SUGCT: variants seen among roughly 807,000 people sequenced by gnomAD.
SUGCT encodes succinyl-CoA:glutarate-CoA transferase, also known as succinyl-CoA:glutarate CoA-transferase.
SUGCT carries 41 observed loss-of-function variants against 55.0 expected under a neutral mutation model. The ratio of observed to expected loss-of-function variants is 0.74; its 90% CI spans 0.58 to 0.97. The LOEUF (loss-of-function observed/expected upper bound fraction) is 0.97, where lower values mean the gene tolerates loss of function less well. SUGCT is among the 50% of genes least tolerant of loss of function. The pLI is 0.00. For missense variants in SUGCT, 568 were observed against 547.8 expected (o/e 1.04, Z -0.37); for synonymous variants, 187 against 200.4 (o/e 0.93, Z 0.56).
intron 1 of SUGCT, among the ~76,000 whole-genome samples, chr7:40,146,417 A>T (rs1027649906): frequency 9.2e-5 from 14 of 152,172 alleles, no homozygotes; most frequent in African/African-American, 3.4e-4. Flanking sequence ...AGAAATATAG[A>T]GTGTGGAGTG....
intron 9 of SUGCT, among the ~76,000 whole-genome samples, chr7:40,386,163 G>A (rs1013852528): frequency 3.3e-5 from 5 of 152,158 alleles, no homozygotes; most frequent in Admixed American, 3.3e-4. Flanking sequence ...GAAGAGGCTG[G>A]TGCTTCCCCA....
chr7:40,259,897 A>G (rs534311973), intron 7 of SUGCT, among the ~76,000 whole-genome samples: 1 of 152,204 alleles, frequency 6.6e-6, no homozygotes, highest in Non-Finnish European at 1.5e-5. Context: ...GCTACTGTTC[A>G]TAATTAAGAA....
chr7:40,495,227 C>CTTTT (rs79094909), intron 11 of SUGCT, among the ~76,000 whole-genome samples: 13 of 138,582 alleles, frequency 9.4e-5, no homozygotes, highest in African/African-American at 3.4e-4. Flanking sequence ...TATTTCTATG[C>CTTTT]TTTTTTTTTT....
the SUGCT span, among the ~76,000 whole-genome samples, chr7:40,988,621 AT>A: frequency 3.2e-3 from 494 of 152,302 alleles, 3 homozygotes; most frequent in African/African-American, 0.011. Flanking sequence ...GTTTAAAAAA[AT>A]ATGCTTTAAA....
intron 9 of SUGCT, among the ~76,000 whole-genome samples, chr7:40,418,538 G>T (rs1787131641): frequency 6.6e-6 from 1 of 152,260 alleles, no homozygotes; most frequent in Non-Finnish European, 1.5e-5. Context: ...GTTTGTACCA[G>T]CTCAAATTTT....
chr7:40,499,695 A>G lies in SUGCT; in HGVS notation c.1089+3309A>G, dbSNP rs184303279. Among the ~76,000 whole-genome samples the G allele has an allele frequency of 2.2e-3, 336 of 152,302 alleles. 2 individuals are homozygous for G. Among genetic ancestry groups the G allele is most frequent in the African/African-American group, 7.9e-3 (327 of 41,556 alleles). ...AGTTTTATTGTCTTTCTCAATGACA[A>G]ATTATCTGTGGAAAGCTCTGTGCAT... is the stretch of plus-strand genomic sequence containing the variant. On this transcript the variant is annotated intron_variant, in intron 12 of 13. Transcript: ENST00000335693.
At chr7:40,136,233 A>G (rs1033960897) in intron 1 of SUGCT, among the ~76,000 whole-genome samples, 1 of 152,110 alleles carries the variant, frequency 6.6e-6, no homozygotes, top group Non-Finnish European at 1.5e-5. Flanking sequence ...CCTGGGCTCA[A>G]GTGATCCGCC....
chr7:40,949,171 A>G, the SUGCT span, among the ~76,000 whole-genome samples: 2 of 152,120 alleles, frequency 1.3e-5, no homozygotes, highest in African/African-American at 4.8e-5. Flanking sequence ...ATGGTATCTC[A>G]TTGTGGTTTT....
intron 12 of SUGCT, among the ~76,000 whole-genome samples, chr7:40,510,540 T>A (rs1792867392): frequency 1.3e-5 from 2 of 152,100 alleles, no homozygotes; most frequent in Non-Finnish European, 2.9e-5. Context: ...AAATAATCTG[T>A]CCCATACTTT....
At chr7:40,919,701 C>T in the SUGCT span, among the ~76,000 whole-genome samples, 1 of 152,128 alleles carries the variant, frequency 6.6e-6, no homozygotes, top group Non-Finnish European at 1.5e-5. Context: ...TTCTAGTTTC[C>T]TCCTTCCCCA....
At chr7:40,882,829 A>AT in the SUGCT span, among the ~76,000 whole-genome samples, 17 of 152,150 alleles carry the variant, frequency 1.1e-4, no homozygotes, top group East Asian at 2.3e-3. Context: ...CTGGATTCAT[A>AT]TTTTTTTTAT....
intron 13 of SUGCT, among the ~76,000 whole-genome samples, chr7:40,799,034 C>T (rs948200631): frequency 1.3e-4 from 20 of 152,212 alleles, no homozygotes; most frequent in African/African-American, 4.3e-4. Flanking sequence ...CACTTTGCTC[C>T]GCTGGATGGT....
chr7:40,614,107 T>C (rs1562900891), intron 12 of SUGCT, among the ~76,000 whole-genome samples: 1 of 152,088 alleles, frequency 6.6e-6, no homozygotes, highest in Non-Finnish European at 1.5e-5. Flanking sequence ...AAGCCAAAAA[T>C]TATAAACAAC....
the SUGCT span, among the ~76,000 whole-genome samples, chr7:41,016,823 G>C: frequency 6.6e-6 from 1 of 152,098 alleles, no homozygotes; most frequent in East Asian, 1.9e-4. Context: ...TGCGTCTTGT[G>C]AATTCTGTTC....
intron 11 of SUGCT, among the ~76,000 whole-genome samples, chr7:40,492,943 C>A (rs972093677): frequency 6.6e-5 from 10 of 152,098 alleles, no homozygotes. Flanking sequence ...CAAACTCTTG[C>A]TAAAAGCATC....
chr7:40,475,872 A>G (rs1017119515), intron 11 of SUGCT, among the ~76,000 whole-genome samples: 1 of 151,996 alleles, frequency 6.6e-6, no homozygotes. Context: ...TGATCTATAA[A>G]TAAGTCTATC....
At chr7:40,447,788 G>C (rs1788929766) in intron 9 of SUGCT, among the ~76,000 whole-genome samples, 1 of 152,108 alleles carries the variant, frequency 6.6e-6, no homozygotes, top group Admixed American at 6.5e-5. Context: ...TCCAGTCAAG[G>C]AAAACAGTCT....
At chr7:40,563,716 G>GATAATAATA (rs562095224) in intron 12 of SUGCT, among the ~76,000 whole-genome samples, 3 of 149,964 alleles carry the variant, frequency 2.0e-5, no homozygotes, top group Admixed American at 6.7e-5. Flanking sequence ...TGTCTCTAAT[G>GATAATAATA]ATAATAATAA....
chr7:40,661,914 A>T (rs1333899769), intron 12 of SUGCT, among the ~76,000 whole-genome samples: 2 of 152,198 alleles, frequency 1.3e-5, no homozygotes, highest in African/African-American at 4.8e-5. Flanking sequence ...TAAATCACTG[A>T]TACACAGATA....
Sources: gnomAD v4.1 joint callset for allele counts (sites outside exome capture counted in the v4.1 genomes callset) on GRCh38, gnomAD v4.1.1 for gene constraint, MANE v1.5 for transcripts, NCBI Gene and HGNC (gene_info 2026-07-23, HGNC 2026-07-21) for gene names.